MCTP1: variants seen among roughly 807,000 people sequenced by gnomAD.
MCTP1 encodes the protein multiple C2 and transmembrane domain-containing protein 1.
Under a neutral mutation model 120.6 loss-of-function variants are expected in MCTP1, and 69 were observed. The ratio of observed to expected loss-of-function variants is 0.57; its 90% CI spans 0.47 to 0.70. MCTP1 has a LOEUF of 0.70. Ranked by LOEUF, MCTP1 falls within the 30% of genes least tolerant of loss-of-function variation. The pLI, the probability that MCTP1 is intolerant of heterozygous loss-of-function variation, is 0.00. For missense variants in MCTP1, 1,203 were observed against 1,248.8 expected, an observed-to-expected ratio of 0.96 and a Z score of 0.55; for synonymous variants, 529 against 493.1, an observed-to-expected ratio of 1.07 and a Z score of -0.96.
At chr5:95,131,610 C>T (rs1258348643) in intron 1 of MCTP1, among the ~76,000 whole-genome samples, 1 of 151,418 alleles carries the variant, frequency 6.6e-6, no homozygotes, top group African/African-American at 2.4e-5. Context: ...TCTTTTTTGT[C>T]ATCGTAGTTA....
chr5:94,975,850 T>G (rs2153584272), intron 2 of MCTP1, among the ~76,000 whole-genome samples: 1 of 152,232 alleles, frequency 6.6e-6, no homozygotes, highest in East Asian at 1.9e-4. Flanking sequence ...TTATTAGGCC[T>G]TTTTCTTACA....
intron 1 of MCTP1, among the ~76,000 whole-genome samples, chr5:95,017,966 C>T (rs1187556338): frequency 1.3e-5 from 2 of 152,028 alleles, no homozygotes; most frequent in Non-Finnish European, 2.9e-5. Flanking sequence ...TCTGCTTCAG[C>T]CCCAACATAA....
chr5:95,190,013 G>A (rs954095311), intron 1 of MCTP1, among the ~76,000 whole-genome samples: 7 of 152,106 alleles, frequency 4.6e-5, no homozygotes, highest in African/African-American at 1.7e-4. Flanking sequence ...GTATATATAT[G>A]CAAAGAGATT....
chr5:95,043,848 C>T (rs192331303), intron 1 of MCTP1, among the ~76,000 whole-genome samples: 38 of 152,262 alleles, frequency 2.5e-4, no homozygotes, highest in Admixed American at 9.8e-4. Flanking sequence ...GCTTGGCCTA[C>T]GGGGATGGAG....
In MCTP1 at chr5:94,902,076, A is replaced by T. The variant is rs535608224; in HGVS notation, c.1652+7175T>A. Among the ~76,000 whole-genome samples, 42 of 152,288 alleles carry T rather than the reference A, an allele frequency of 2.8e-4. No homozygotes were observed. The South Asian group carries it at 3.1e-3, about 11-fold the overall frequency. On this transcript the variant is annotated intron_variant, in intron 10 of 22. Coordinates refer to ENST00000515393, the MANE Select transcript of MCTP1 (RefSeq NM_024717.7). The stretch of plus-strand genomic sequence containing the variant: ...GCCTTTCCTGAATTGCAGTTCATAC[A>T]TGCCCTATTAAGTGGATTTAGAGAT...
intron 1 of MCTP1, among the ~76,000 whole-genome samples, chr5:95,139,781 G>C (rs558579038): frequency 3.3e-5 from 5 of 152,270 alleles, no homozygotes; most frequent in African/African-American, 1.2e-4. Flanking sequence ...CCTTAAAAGT[G>C]AAAATTTTCC....
intron 17 of MCTP1, among the ~76,000 whole-genome samples, chr5:94,848,786 TTAAA>T (rs1368149961): frequency 1.3e-4 from 20 of 151,900 alleles, no homozygotes; most frequent in Admixed American, 3.9e-4. Flanking sequence ...TATTTTACAA[TTAAA>T]TAATTTATCT....
At chr5:95,034,479 C>A (rs1840884615) in intron 1 of MCTP1, among the ~76,000 whole-genome samples, 1 of 151,880 alleles carries the variant, frequency 6.6e-6, no homozygotes, top group Admixed American at 6.6e-5. Context: ...GGGGAAAGAA[C>A]ACTCTATTTG....
At chr5:94,772,990 C>T (rs1228846386) in intron 19 of MCTP1, among the ~76,000 whole-genome samples, 1 of 152,144 alleles carries the variant, frequency 6.6e-6, no homozygotes, top group Admixed American at 6.6e-5. Flanking sequence ...TTCTTGGGTA[C>T]CCTCCAGTTG....
intron 19 of MCTP1, among the ~76,000 whole-genome samples, chr5:94,775,082 C>T (rs1362247399): frequency 6.6e-6 from 1 of 152,190 alleles, no homozygotes; most frequent in Admixed American, 6.6e-5. Context: ...TGAACTAACT[C>T]TAGATATGTT....
chr5:94,855,004 C>T (rs1011526624), intron 17 of MCTP1, among the ~76,000 whole-genome samples: 1 of 151,764 alleles, frequency 6.6e-6, no homozygotes, highest in Admixed American at 6.6e-5. Context: ...GGTGTTTCAT[C>T]ATCCACAATT....
intron 3 of MCTP1, among the ~76,000 whole-genome samples, chr5:94,943,920 T>C (rs1028846266): frequency 1.3e-5 from 2 of 152,114 alleles, no homozygotes; most frequent in Non-Finnish European, 2.9e-5. Flanking sequence ...CCTGGGCCTT[T>C]GGTTGCTCCA....
intron 17 of MCTP1, among the ~76,000 whole-genome samples, chr5:94,834,057 T>C (rs1370334669): frequency 6.6e-6 from 1 of 152,220 alleles, no homozygotes; most frequent in Non-Finnish European, 1.5e-5. Flanking sequence ...TCACCACTGA[T>C]GTCATCATTA....
chr5:95,038,898 T>G (rs1841829233), intron 1 of MCTP1, among the ~76,000 whole-genome samples: 1 of 152,168 alleles, frequency 6.6e-6, no homozygotes, highest in African/African-American at 2.4e-5. Flanking sequence ...GCAAATAACT[T>G]ACCCTCTTCG....
chr5:94,803,651 C>T lies in MCTP1; in HGVS notation c.2437-4519G>A, dbSNP rs571510135. Among the ~76,000 whole-genome samples the T allele has an allele frequency of 5.3e-5, 8 of 152,280 alleles. No individual in the cohort carries two copies. In the East Asian group the frequency reaches 1.5e-3, roughly 29 times the overall value. On this transcript the variant is annotated intron_variant, in intron 17 of 22. Coordinates refer to ENST00000515393, the MANE Select transcript of MCTP1 (RefSeq NM_024717.7). ...ACACTACATATAATTTTTTTTGGCC[C>T]TTCTAGCAGCTTATCACTTTTTGTA...
At chr5:95,226,304 C>A (rs552394291) in intron 1 of MCTP1, among the ~76,000 whole-genome samples, 2 of 152,090 alleles carry the variant, frequency 1.3e-5, no homozygotes, top group African/African-American at 4.8e-5. Flanking sequence ...ATTGTGGCTA[C>A]GTTAATTTTT....
intron 1 of MCTP1, among the ~76,000 whole-genome samples, chr5:95,102,261 A>C (rs1028222755): frequency 6.6e-6 from 1 of 152,154 alleles, no homozygotes; most frequent in Non-Finnish European, 1.5e-5. Flanking sequence ...ATGGTAAGCC[A>C]CTTCAATCAG....
intron 11 of MCTP1, among the ~76,000 whole-genome samples, chr5:94,889,487 G>A (rs1404626002): frequency 6.6e-6 from 1 of 152,118 alleles, no homozygotes; most frequent in Non-Finnish European, 1.5e-5. Flanking sequence ...CTACTCTGGA[G>A]GCTGAAGCAG....
chr5:94,851,142 G>GC (rs1290662060), intron 17 of MCTP1, among the ~76,000 whole-genome samples: 2 of 151,988 alleles, frequency 1.3e-5, no homozygotes, highest in Admixed American at 6.6e-5. Context: ...CTATAAAACA[G>GC]CCCACATTTT....
Sources: allele counts gnomAD v4.1 joint callset (sites outside exome capture counted in the v4.1 genomes callset), GRCh38; gene constraint gnomAD v4.1.1; transcripts MANE v1.5; gene names NCBI Gene and HGNC (gene_info 2026-07-23, HGNC 2026-07-21).